Variants in CENPC observed in about 807,000 individuals in gnomAD.
The protein encoded by CENPC is CENP-C 1.
Under a neutral mutation model 112.1 loss-of-function variants are expected in CENPC, and 63 were observed. The ratio of observed to expected loss-of-function variants is 0.56; its 90% CI spans 0.46 to 0.69. The LOEUF (loss-of-function observed/expected upper bound fraction) is 0.69. Ranked by LOEUF, CENPC falls within the 30% of genes least tolerant of loss-of-function variation. The probability of loss-of-function intolerance (pLI) is 0.00; values close to 1 mark genes in which losing one functional copy is unlikely to be tolerated. For synonymous variants in CENPC, 333 were observed against 367.6 expected, an observed-to-expected ratio of 0.91 and a Z score of 1.08; for missense variants, 1,000 against 1,103.8, an observed-to-expected ratio of 0.91 and a Z score of 1.33.
At chr4:67,484,322 T>C (rs1439040657) in intron 17 of CENPC, among the ~76,000 whole-genome samples, 1 of 152,208 alleles carries the variant, frequency 6.6e-6, no homozygotes, top group East Asian at 1.9e-4. Flanking sequence ...AATAGCTTAA[T>C]GACTCATTTC....
intron 17 of CENPC, among the ~76,000 whole-genome samples, chr4:67,486,966 A>T (rs168538): frequency 6.9e-6 from 1 of 144,026 alleles, no homozygotes; most frequent in Admixed American, 7.0e-5. Context: ...ATTTGCTTTT[A>T]GGTTTTTTTT....
intron 16 of CENPC, among the ~76,000 whole-genome samples, chr4:67,491,899 A>C (rs570896007): frequency 6.6e-6 from 1 of 152,178 alleles, no homozygotes; most frequent in African/African-American, 2.4e-5. Context: ...TGGTCAAAGA[A>C]GGCCTAGACC....
chr4:67,475,559 T>C (rs1489525485), intron 17 of CENPC, among the ~76,000 whole-genome samples: 1 of 152,190 alleles, frequency 6.6e-6, no homozygotes, highest in Non-Finnish European at 1.5e-5. Flanking sequence ...GTCAAGCTCA[T>C]GGTTCTCTCT....
chr4:67,509,519 C>T (rs1725837543), intron 9 of CENPC, among the ~76,000 whole-genome samples: 1 of 152,110 alleles, frequency 6.6e-6, no homozygotes, highest in Non-Finnish European at 1.5e-5. Context: ...TAATATCCAT[C>T]TACTGCTCTC....
At chr4:67,534,865 G>A (rs1360364204) in intron 4 of CENPC, among the ~76,000 whole-genome samples, 2 of 152,094 alleles carry the variant, frequency 1.3e-5, no homozygotes, top group East Asian at 3.9e-4. Flanking sequence ...AAAAGGCGAG[G>A]TAATGAGCAA....
intron 12 of CENPC, among the ~76,000 whole-genome samples, chr4:67,499,778 T>C (rs1240864651): frequency 6.6e-6 from 1 of 152,244 alleles, no homozygotes; most frequent in Non-Finnish European, 1.5e-5. Flanking sequence ...CTGGACTATC[T>C]CGGTTTCTGA....
chr4:67,477,418 T>C (rs1224533962), intron 17 of CENPC, among the ~76,000 whole-genome samples: 1 of 152,144 alleles, frequency 6.6e-6, no homozygotes, highest in African/African-American at 2.4e-5. Flanking sequence ...TGGAGCCCCA[T>C]AGCTCTGCTG....
chr4:67,486,007 T>A (rs355467), intron 17 of CENPC, among the ~76,000 whole-genome samples: 2 of 151,914 alleles, frequency 1.3e-5, no homozygotes, highest in African/African-American at 4.8e-5. Flanking sequence ...GTTTCAAAGG[T>A]ATTTTTATAA....
At chr4:67,485,469 AC>A (rs60430771) in intron 17 of CENPC, among the ~76,000 whole-genome samples, 1 of 151,566 alleles carries the variant, frequency 6.6e-6, no homozygotes, top group African/African-American at 2.4e-5. Context: ...TGGAATCTTA[AC>A]CCCCCCAATG....
In CENPC at chr4:67,519,216, C is replaced by T; in HGVS notation, c.617+1G>A. ...TTAACATTATTTAAATAAAATGTTA[C>T]CTTTTTTTGGTTTTAACTGAAACCT... On this transcript the variant is annotated splice_donor_variant, in intron 6 of 18. Coordinates refer to ENST00000273853, the MANE Select transcript of CENPC (RefSeq NM_001812.4). LOFTEE classifies it high-confidence loss of function. 6.6e-7 allele frequency: 1 copy of T among 1,520,948 alleles called. No individual in the cohort carries two copies. The highest frequency in any genetic ancestry group is 1.3e-5 in the South Asian group (1 of 75,722). 94.2% of individuals were successfully genotyped at this position (1,520,948 alleles called of 1,614,324 possible).
intron 17 of CENPC, among the ~76,000 whole-genome samples, chr4:67,478,641 CA>C (rs1323028395): frequency 6.6e-6 from 1 of 150,846 alleles, no homozygotes; most frequent in African/African-American, 2.4e-5. Flanking sequence ...CACACACACA[CA>C]CACACACACA....
intron 7 of CENPC, among the ~76,000 whole-genome samples, chr4:67,516,717 ATCT>A (rs1423448366): frequency 1.3e-5 from 2 of 152,078 alleles, no homozygotes; most frequent in African/African-American, 4.8e-5. Flanking sequence ...TTAGGAAACA[ATCT>A]TGACACTATG....
chr4:67,512,348 C>A, intron 9 of CENPC, 54 bp downstream of exon 9: 8 of 1,252,502 alleles, frequency 6.4e-6, no homozygotes, highest in Non-Finnish European at 8.9e-6. Flanking sequence ...ACATAATGCC[C>A]CTTACAGAAT....
intron 17 of CENPC, among the ~76,000 whole-genome samples, chr4:67,487,851 T>C (rs112225023): frequency 8.3e-4 from 126 of 151,866 alleles, no homozygotes; most frequent in Admixed American, 1.5e-3. Context: ...AAATATTCTC[T>C]AGCAGTGTTT....
intron 12 of CENPC, among the ~76,000 whole-genome samples, chr4:67,504,325 A>T (rs1271146385): frequency 1.3e-5 from 2 of 152,184 alleles, no homozygotes; most frequent in African/African-American, 4.8e-5. Flanking sequence ...CCAAAGAAAA[A>T]GCAGAAAAAC....
intron 4 of CENPC, among the ~76,000 whole-genome samples, chr4:67,538,878 G>A (rs760827397): frequency 2.0e-5 from 3 of 152,136 alleles, no homozygotes; most frequent in Non-Finnish European, 4.4e-5. Context: ...TATTTTGCTA[G>A]TCTTTATTGT....
intron 9 of CENPC, chr4:67,512,137 T>A: frequency 6.3e-6 from 2 of 315,162 alleles, no homozygotes; most frequent in Admixed American, 1.0e-4. Flanking sequence ...TATATTGCCT[T>A]TCCCAACTAG....
chr4:67,528,302 G>A (rs1167022012), intron 5 of CENPC, among the ~76,000 whole-genome samples: 1 of 152,068 alleles, frequency 6.6e-6, no homozygotes, highest in African/African-American at 2.4e-5. Flanking sequence ...CAGGAGACAG[G>A]CTTTATTAAA....
chr4:67,502,707 T>A (rs1054182546), intron 12 of CENPC, among the ~76,000 whole-genome samples: 2 of 152,130 alleles, frequency 1.3e-5, no homozygotes, highest in African/African-American at 2.4e-5. Flanking sequence ...AAATCTAACA[T>A]CCTGTTCTTT....
Sources: gnomAD v4.1 joint callset for allele counts (sites outside exome capture counted in the v4.1 genomes callset) on GRCh38, gnomAD v4.1.1 for gene constraint, MANE v1.5 for transcripts, NCBI Gene and HGNC (gene_info 2026-07-23, HGNC 2026-07-21) for gene names.